PARD3B: variants seen among roughly 807,000 people sequenced by gnomAD.
PARD3B encodes par-3 family cell polarity regulator beta.
Under a neutral mutation model 130.2 loss-of-function variants are expected in PARD3B, and 103 were observed. The observed-to-expected ratio is 0.79, with a 90% CI of 0.67 to 0.93. The LOEUF (loss-of-function observed/expected upper bound fraction) is 0.93, where lower values mean the gene tolerates loss of function less well. Among genes scored for constraint, PARD3B ranks in the 40% least tolerant of loss-of-function variants. PARD3B has a pLI of 0.00. For missense variants in PARD3B, 1,609 were observed against 1,499.2 expected, an observed-to-expected ratio of 1.07 and a Z score of -1.21; for synonymous variants, 583 against 553.2, an observed-to-expected ratio of 1.05 and a Z score of -0.76.
At chr2:205,017,520 C>T (rs182097241) in intron 3 of PARD3B, among the ~76,000 whole-genome samples, 61 of 152,144 alleles carry the variant, frequency 4.0e-4, no homozygotes, top group African/African-American at 1.3e-3. Flanking sequence ...CTGAGGTCAT[C>T]GTATCAAAGC....
At chr2:205,067,518 G>T (rs1700467250) in intron 4 of PARD3B, among the ~76,000 whole-genome samples, 1 of 151,832 alleles carries the variant, frequency 6.6e-6, no homozygotes, top group Non-Finnish European at 1.5e-5. Context: ...AAATTTCAGT[G>T]TTTATGCTTA....
In PARD3B at chr2:205,176,542, C is replaced by T. The variant is rs1273738010; in HGVS notation, c.1889C>T (p.Pro630Leu). 5 of 1,611,798 alleles carry T rather than the reference C, an allele frequency of 3.1e-6. No individual in the cohort carries two copies. Among genetic ancestry groups the T allele is most frequent in the Non-Finnish European group, 4.2e-6 (5 of 1,178,662 alleles). ...SRRNDNSILH[P>L]LGTCSPQDKQ... is the part of the protein sequence containing the mutation. ...CGAAATGATAATAGTATCCTGCATC[C>T]ACTTGGCACTTGCAGTCCACAAGAC... Residue 630 changes from proline (P) to leucine (L), a missense_variant, in exon 13 of 23, where the codon CCA becomes CTA. Physicochemically the swap from Pro to Leu is moderately conservative, Grantham distance 98 (BLOSUM62 -3). Transcript: ENST00000406610. The surrounding 1 kb of genome is among the most constrained non-coding windows in gnomAD (Gnocchi z 5.3).
intron 1 of PARD3B, among the ~76,000 whole-genome samples, chr2:204,622,556 C>G (rs2034342040): frequency 6.6e-6 from 1 of 151,804 alleles, no homozygotes; most frequent in African/African-American, 2.4e-5. Flanking sequence ...GAGTATTAGA[C>G]TATAATATTA....
chr2:204,580,821 A>T (rs2032515653), intron 1 of PARD3B, among the ~76,000 whole-genome samples: 1 of 152,342 alleles, frequency 6.6e-6, no homozygotes, highest in East Asian at 1.9e-4. Flanking sequence ...TGCGTGACAC[A>T]TACAATTAAT....
rs564575976 is a variant in PARD3B at position 205,170,207 on chromosome 2, G to T, written c.1621-2004G>T. 4.4e-4 allele frequency among the ~76,000 whole-genome samples: 67 copies of T among 152,278 alleles called. No homozygotes were observed. In the South Asian group the frequency reaches 0.014, roughly 31 times the overall value. ...GGCCTCCCAGAGTGCTGGGGTTACAGGTGTGAGCCACCGTGCCCAGCCCGT... is the reference window on the plus strand; with the variant it reads ...GGCCTCCCAGAGTGCTGGGGTTACATGTGTGAGCCACCGTGCCCAGCCCGT... On this transcript the variant is annotated intron_variant, in intron 11 of 22. Transcript: ENST00000406610.
chr2:205,129,583 G>A (rs113263929), intron 10 of PARD3B, among the ~76,000 whole-genome samples: 3 of 152,134 alleles, frequency 2.0e-5, no homozygotes, highest in African/African-American at 7.2e-5. Flanking sequence ...CTTTTGTCGT[G>A]TTCTATCTCC....
At chr2:205,422,705 T>A (rs2047011455) in intron 19 of PARD3B, among the ~76,000 whole-genome samples, 1 of 152,140 alleles carries the variant, frequency 6.6e-6, no homozygotes, top group Non-Finnish European at 1.5e-5. Context: ...ATAAAACAAG[T>A]CTCTTTTCAA....
intron 21 of PARD3B, among the ~76,000 whole-genome samples, chr2:205,536,612 T>C (rs1041624292): frequency 1.3e-5 from 2 of 152,164 alleles, no homozygotes; most frequent in African/African-American, 2.4e-5. Context: ...TAAAAGTGAG[T>C]TTCTCATGAC....
intron 15 of PARD3B, among the ~76,000 whole-genome samples, chr2:205,204,140 C>T (rs1459754100): frequency 6.6e-6 from 1 of 152,164 alleles, no homozygotes; most frequent in Admixed American, 6.5e-5. Flanking sequence ...TTAATGATTG[C>T]CATTCTAACT....
At chr2:205,567,397 C>A (rs1260643628) in intron 22 of PARD3B, among the ~76,000 whole-genome samples, 2 of 146,476 alleles carry the variant, frequency 1.4e-5, no homozygotes, top group Non-Finnish European at 3.0e-5. Context: ...TCACTGCAAG[C>A]TCCGCCTCCC....
chr2:204,878,316 A>T (rs2045920521), intron 2 of PARD3B, among the ~76,000 whole-genome samples: 2 of 152,166 alleles, frequency 1.3e-5, no homozygotes, highest in Non-Finnish European at 2.9e-5. Context: ...CCGGGTGTAT[A>T]ATTATATAAA....
At chr2:205,338,167 A>AG (rs922069750) in intron 18 of PARD3B, among the ~76,000 whole-genome samples, 4 of 151,194 alleles carry the variant, frequency 2.6e-5, no homozygotes, top group Non-Finnish European at 4.4e-5. Flanking sequence ...AAAAAAAAAA[A>AG]AAAAAAAAAA....
chr2:204,758,668 A>T (rs2040775944), intron 2 of PARD3B, among the ~76,000 whole-genome samples: 3 of 152,158 alleles, frequency 2.0e-5, no homozygotes. Flanking sequence ...CAAAGTTGAG[A>T]CAGCACTGTT....
At chr2:204,760,980 G>A (rs2040873934) in intron 2 of PARD3B, among the ~76,000 whole-genome samples, 1 of 152,154 alleles carries the variant, frequency 6.6e-6, no homozygotes, top group Non-Finnish European at 1.5e-5. Context: ...CTATATGCCA[G>A]TATTTGCACT....
At chr2:204,912,963 A>G (rs1243382450) in intron 2 of PARD3B, among the ~76,000 whole-genome samples, 2 of 152,244 alleles carry the variant, frequency 1.3e-5, no homozygotes, top group Non-Finnish European at 2.9e-5. Flanking sequence ...ATTATCATTT[A>G]TCATGAAAAT....
intron 2 of PARD3B, among the ~76,000 whole-genome samples, chr2:204,926,590 A>G (rs1294045377): frequency 1.1e-4 from 17 of 152,036 alleles, no homozygotes; most frequent in African/African-American, 4.1e-4. Context: ...TCTCCTCACA[A>G]CATGTGAGTT....
chr2:205,334,906 G>A (rs757207924), intron 18 of PARD3B, among the ~76,000 whole-genome samples: 24 of 152,228 alleles, frequency 1.6e-4, no homozygotes, highest in Non-Finnish European at 3.4e-4. Flanking sequence ...GTGCATACTT[G>A]GTGATACAAT....
chr2:205,111,559 G>A (rs1306142113), intron 5 of PARD3B, among the ~76,000 whole-genome samples: 1 of 151,956 alleles, frequency 6.6e-6, no homozygotes, highest in African/African-American at 2.4e-5. Flanking sequence ...TTTTGAGTGG[G>A]AGTAAAGAAA....
intron 1 of PARD3B, among the ~76,000 whole-genome samples, chr2:204,644,554 T>C (rs2035206707): frequency 6.6e-6 from 1 of 152,172 alleles, no homozygotes; most frequent in African/African-American, 2.4e-5. Context: ...ATGTGGTCTC[T>C]TTCAAAATTA....
Sources: allele counts gnomAD v4.1 joint callset (sites outside exome capture counted in the v4.1 genomes callset), GRCh38; gene constraint gnomAD v4.1.1; non-coding constraint Gnocchi (gnomAD v3.1); transcripts MANE v1.5; gene names NCBI Gene and HGNC (gene_info 2026-07-23, HGNC 2026-07-21).